Variants in NUP93 observed in about 807,000 individuals in gnomAD.
The protein encoded by NUP93 is nuclear pore complex protein Nup93.
In NUP93, 55 loss-of-function variants were observed where a neutral mutation model predicts 107.8. The ratio of observed to expected loss-of-function variants is 0.51; its 90% CI spans 0.41 to 0.64. The LOEUF (loss-of-function observed/expected upper bound fraction) is 0.64. Ranked by LOEUF, NUP93 falls within the 30% of genes least tolerant of loss-of-function variation. NUP93 has a pLI of 0.00. For synonymous variants in NUP93, 390 were observed against 397.5 expected, an observed-to-expected ratio of 0.98 and a Z score of 0.22; for missense variants, 937 against 1,044.7, an observed-to-expected ratio of 0.90 and a Z score of 1.42.
intron 5 of NUP93, among the ~76,000 whole-genome samples, chr16:56,817,647 TA>T (rs1487872663): frequency 6.6e-6 from 1 of 151,970 alleles, no homozygotes. Flanking sequence ...ATTCTTTCTT[TA>T]AAAAGACTGA....
rs1288373324 is a variant in NUP93, at chr16:56,841,847, A to G, written c.2349+14A>G. 1 of 1,613,448 alleles carries G rather than the reference A, an allele frequency of 6.2e-7. No individual in the cohort carries two copies. The highest frequency in any genetic ancestry group is 8.5e-7 in the Non-Finnish European group (1 of 1,179,694). Reference sequence around the variant, plus strand: ...GACCGCGACTCTGTAAGATCCCAGCATTCGCGAGAAACATTGCTAAGCACC... The same window carrying G: ...GACCGCGACTCTGTAAGATCCCAGCGTTCGCGAGAAACATTGCTAAGCACC... On this transcript the variant is annotated intron_variant, in intron 21 of 21. Coordinates refer to ENST00000308159, the MANE Select transcript of NUP93 (RefSeq NM_014669.5).
In NUP93 at chr16:56,836,494, A is replaced by G. The variant is rs1223113707; in HGVS notation, c.1783-107A>G. 2.7e-5 allele frequency: 19 copies of G among 704,366 alleles called. No homozygotes were observed. The East Asian group carries it at 4.7e-4, about 18-fold the overall frequency. The allele number at this position is 704,366 out of a possible 1,614,324, so 43.6% of individuals were successfully genotyped here. A position where few individuals can be genotyped will look rare whatever the true frequency, so the allele number is the denominator to read the frequency against. The stretch of plus-strand genomic sequence containing the variant: ...ATATATGCGTTGCCCAGGGCAAGCA[A>G]TTCCACTTGAAGTATTTTTTGGATC... On this transcript the variant is annotated intron_variant, in intron 16 of 21. Coordinates refer to ENST00000308159, the MANE Select transcript of NUP93 (RefSeq NM_014669.5).
intron 1 of NUP93, among the ~76,000 whole-genome samples, chr16:56,747,394 T>C (rs1961838347): frequency 6.6e-6 from 1 of 152,210 alleles, no homozygotes; most frequent in Non-Finnish European, 1.5e-5. Context: ...ATAAGAATAG[T>C]GCAGTATATA....
At chr16:56,823,631 G>C (rs1466733710) in intron 7 of NUP93, 76 bp from the exon 8 acceptor site, 1 of 1,545,436 alleles carries the variant, frequency 6.5e-7, no homozygotes, top group Non-Finnish European at 8.8e-7. Flanking sequence ...CCCCTTTGGA[G>C]GTCAGAGTGC....
chr16:56,736,992 AT>A (rs1404350973), intron 1 of NUP93, among the ~76,000 whole-genome samples: 5 of 152,174 alleles, frequency 3.3e-5, no homozygotes, highest in African/African-American at 1.2e-4. Flanking sequence ...GTTTCTTGCT[AT>A]TCCTTCTAAA....
intron 3 of NUP93, among the ~76,000 whole-genome samples, chr16:56,780,250 A>T (rs1299320366): frequency 1.3e-5 from 2 of 152,262 alleles, no homozygotes; most frequent in Non-Finnish European, 2.9e-5. Context: ...CTATGGCACC[A>T]CATAGCACTG....
chr16:56,798,416 G>A, intron 3 of NUP93, 60 bp from the exon 4 acceptor site: 1 of 1,425,586 alleles, frequency 7.0e-7, no homozygotes, highest in Admixed American at 1.7e-5. Context: ...TTGCCCTGCA[G>A]TATACTTTTG....
chr16:56,773,667 G>C (rs8063223), intron 3 of NUP93, among the ~76,000 whole-genome samples: 56,333 of 152,018 alleles, frequency 0.37, 11,394 homozygotes, highest in East Asian at 0.54. Context: ...ATCCAAATCT[G>C]TGAGGGTGCG....
intron 4 of NUP93, among the ~76,000 whole-genome samples, chr16:56,799,849 C>G (rs1962982956): frequency 6.6e-6 from 1 of 152,072 alleles, no homozygotes; most frequent in African/African-American, 2.4e-5. Flanking sequence ...AGGAAATGTT[C>G]CAAAGTCGTT....
In NUP93 at chr16:56,833,259, C is replaced by G. The variant is rs1337454368; in HGVS notation, c.1390C>G (p.Gln464Glu). ...GAACCAGCAACCCTTCCTCTACTTCCAAGTCCTGTTCCTGACAGCGCAGTT... is the reference window on the plus strand; with the variant it reads ...GAACCAGCAACCCTTCCTCTACTTCGAAGTCCTGTTCCTGACAGCGCAGTT... ...TVNQQPFLYFQVLFLTAQFEA... is the reference protein window; with the variant it reads ...TVNQQPFLYFEVLFLTAQFEA... Residue 464 changes from glutamine (Q) to glutamate (E), a missense_variant, in exon 13 of 22, where the codon CAA (glutamine) becomes GAA (glutamate). By Grantham distance (29) the Gln-to-Glu change is conservative. Coordinates refer to ENST00000308159, the MANE Select transcript of NUP93 (RefSeq NM_014669.5). 1.2e-6 allele frequency: 2 copies of G among 1,606,782 alleles called. No individual in the cohort carries two copies. Among genetic ancestry groups the G allele is most frequent in the South Asian group, 2.2e-5 (2 of 89,876 alleles).
intron 2 of NUP93, among the ~76,000 whole-genome samples, chr16:56,754,018 T>C (rs1270641491): frequency 6.6e-6 from 1 of 151,978 alleles, no homozygotes; most frequent in Admixed American, 6.6e-5. Context: ...TGATTCACAT[T>C]TTCACAGGGC....
intron 2 of NUP93, 74 bp downstream of exon 2, chr16:56,748,500 G>C: frequency 7.7e-7 from 1 of 1,296,694 alleles, no homozygotes; most frequent in South Asian, 1.5e-5. Context: ...TTCCTGCCTT[G>C]AATTCAGATC....
At chr16:56,757,055 C>A (rs1477465618) in intron 2 of NUP93, among the ~76,000 whole-genome samples, 1 of 152,070 alleles carries the variant, frequency 6.6e-6, no homozygotes, top group Non-Finnish European at 1.5e-5. Context: ...TCATAGTTGA[C>A]GTGGAAGAGA....
rs572387059 is a variant in NUP93 at position 56,837,649 on chromosome 16, C to A, written c.1941C>A (p.Ser647Arg). The change falls in exon 18 of 22, where the codon AGC (serine) becomes AGA (arginine). Residue 647 changes from serine (S) to arginine (R), a missense_variant. Transcript: ENST00000308159. Reference protein sequence around the residue: ...KVLELMNKLLSPVVPQISAPQ... With the variant: ...KVLELMNKLLRPVVPQISAPQ... ...TGGAGCTGATGAACAAACTGCTGAG[C>A]CCTGTCGTCCCCCAGATCAGTGCCC... The A allele has an allele frequency of 6.2e-7, 1 of 1,614,156 alleles. No individual in the cohort carries two copies. The highest frequency in any genetic ancestry group is 1.7e-5 in the Admixed American group (1 of 60,024).
At chr16:56,836,868 GACAGA>G (rs1461013635) in intron 17 of NUP93, 151 bp downstream of exon 17, 6 of 555,886 alleles carry the variant, frequency 1.1e-5, no homozygotes, top group Non-Finnish European at 1.6e-5. Flanking sequence ...GTCCAGTCAG[GACAGA>G]ATTCCCATTT....
At chr16:56,731,137 T>C (rs1431690133) in intron 1 of NUP93, among the ~76,000 whole-genome samples, 3 of 152,148 alleles carry the variant, frequency 2.0e-5, no homozygotes, top group South Asian at 2.1e-4. Context: ...TACATACATA[T>C]CAGAGGCTAA....
chr16:56,835,691 GT>G (rs1158486757), intron 16 of NUP93, among the ~76,000 whole-genome samples: 6 of 152,204 alleles, frequency 3.9e-5, no homozygotes, highest in Admixed American at 2.0e-4. Flanking sequence ...AGCCCTGAGA[GT>G]CCAGCGCTAG....
chr16:56,769,076 C>T (rs569819312), intron 3 of NUP93, among the ~76,000 whole-genome samples: 8 of 152,096 alleles, frequency 5.3e-5, no homozygotes, highest in African/African-American at 1.9e-4. Flanking sequence ...GCTAGATATG[C>T]CAGACCAGAG....
chr16:56,819,916 C>T (rs1963509321), intron 6 of NUP93, among the ~76,000 whole-genome samples: 1 of 152,186 alleles, frequency 6.6e-6, no homozygotes, highest in African/African-American at 2.4e-5. Context: ...CCTTCCAACC[C>T]CTTTATGTTT....
Sources: gnomAD v4.1 joint callset for allele counts (sites outside exome capture counted in the v4.1 genomes callset) on GRCh38, gnomAD v4.1.1 for gene constraint, MANE v1.5 for transcripts, NCBI Gene and HGNC (gene_info 2026-07-23, HGNC 2026-07-21) for gene names.